EBAG9: variants seen among roughly 807,000 people sequenced by gnomAD.
EBAG9 encodes the protein receptor-binding cancer antigen expressed on SiSo cells.
EBAG9 carries 16 observed loss-of-function variants against 30.9 expected under a neutral mutation model. The observed-to-expected ratio is 0.52, with a 90% CI of 0.35 to 0.79. The LOEUF (loss-of-function observed/expected upper bound fraction) is 0.79. Among genes scored for constraint, EBAG9 ranks in the 30% least tolerant of loss-of-function variants. EBAG9 has a pLI of 0.01. For missense variants in EBAG9, 197 were observed against 242.1 expected (o/e 0.81, Z 1.24); for synonymous variants, 93 against 82.8 (o/e 1.12, Z -0.67).
intron 1 of EBAG9, among the ~76,000 whole-genome samples, chr8:109,545,109 G>A (rs934478907): frequency 1.3e-5 from 2 of 151,894 alleles, no homozygotes; most frequent in African/African-American, 2.4e-5. Context: ...ATCACTTGAG[G>A]TCAAGAGCTC....
Position 109,556,935 on chromosome 8 carries a change from A to T in EBAG9, c.322A>T (p.Ile108Phe), listed in dbSNP as rs1821609152. Residue 108 changes from isoleucine to phenylalanine, a missense_variant and splice_region_variant, in exon 5 of 7, where the codon ATT (isoleucine) becomes TTT (phenylalanine). Transcript: ENST00000337573. ...AATTCTTTTTCAATTAATCTTTCAG[A>T]TTGTTATTAAGAAGAGAGAACCATT... The part of the protein sequence containing the change: ...MTPTIRKTQK[I>F]VIKKREPLNF... The T allele has an allele frequency of 1.9e-6, 3 of 1,561,028 alleles. No homozygotes were observed. The highest frequency in any genetic ancestry group is 1.4e-5 in the African/African-American group (1 of 73,312).
At chr8:109,544,499 G>T (rs1262058373) in intron 1 of EBAG9, among the ~76,000 whole-genome samples, 1 of 152,184 alleles carries the variant, frequency 6.6e-6, no homozygotes, top group Non-Finnish European at 1.5e-5. Flanking sequence ...TAACTTCAGT[G>T]TATCTTAGTT....
At chr8:109,550,937 G>A in intron 2 of EBAG9, 30 bp downstream of exon 2, 1 of 1,433,224 alleles carries the variant, frequency 7.0e-7, no homozygotes, top group Non-Finnish European at 9.6e-7. Flanking sequence ...AAACTAACCT[G>A]TTTATCTCCT....
chr8:109,547,576 G>A (rs1238329802), intron 1 of EBAG9, among the ~76,000 whole-genome samples: 1 of 151,340 alleles, frequency 6.6e-6, no homozygotes, highest in African/African-American at 2.4e-5. Flanking sequence ...TGCCTTTCAG[G>A]TTCACGCCAT....
intron 5 of EBAG9, 101 bp from the exon 6 acceptor site, chr8:109,560,737 T>C (rs1586695083): frequency 1.2e-5 from 9 of 773,760 alleles, no homozygotes; most frequent in Admixed American, 4.7e-5. Flanking sequence ...CATAGGAGAA[T>C]GACAGGTTCT....
At chr8:109,556,904 C>T in intron 4 of EBAG9, 31 bp from the exon 5 acceptor site, 2 of 1,205,944 alleles carry the variant, frequency 1.7e-6, no homozygotes, top group Non-Finnish European at 2.3e-6. Flanking sequence ...TGTAAAAGAT[C>T]CCTATAATTC....
chr8:109,543,720 C>G (rs989750975), intron 1 of EBAG9, among the ~76,000 whole-genome samples: 2 of 151,946 alleles, frequency 1.3e-5, no homozygotes, highest in African/African-American at 4.8e-5. Context: ...AGTCTTGAAT[C>G]CCCATGAAAT....
intron 5 of EBAG9, among the ~76,000 whole-genome samples, chr8:109,559,437 GACAGA>G (rs1821668222): frequency 6.6e-6 from 1 of 152,108 alleles, no homozygotes; most frequent in Non-Finnish European, 1.5e-5. Flanking sequence ...CAGCCTAGGT[GACAGA>G]GTGAGACCTT....
chr8:109,564,365 T>C (rs1821773274), intron 6 of EBAG9, 74 bp from the exon 7 acceptor site: 4 of 1,559,290 alleles, frequency 2.6e-6, no homozygotes, highest in Non-Finnish European at 3.5e-6. Context: ...AAGGCACTGC[T>C]ATTTCTTTCT....
intron 5 of EBAG9, chr8:109,558,048 G>T (rs1455006526): frequency 1.3e-5 from 2 of 158,858 alleles, no homozygotes; most frequent in African/African-American, 4.8e-5. Flanking sequence ...ACTAAATCCA[G>T]CCCACATGCA....
intron 6 of EBAG9, among the ~76,000 whole-genome samples, chr8:109,562,172 T>C (rs1049709195): frequency 1.3e-5 from 2 of 152,116 alleles, no homozygotes; most frequent in African/African-American, 4.8e-5. Flanking sequence ...TAATTATTAG[T>C]GCCATTAACC....
chr8:109,557,211 T>G (rs1821617906), intron 5 of EBAG9, among the ~76,000 whole-genome samples, 169 bp downstream of exon 5: 1 of 152,182 alleles, frequency 6.6e-6, no homozygotes, highest in South Asian at 2.1e-4. Flanking sequence ...TCCTAACCTT[T>G]TATGAGATTG....
At chr8:109,551,522 G>A (rs1821494344) in intron 2 of EBAG9, among the ~76,000 whole-genome samples, 1 of 152,064 alleles carries the variant, frequency 6.6e-6, no homozygotes, top group Non-Finnish European at 1.5e-5. Context: ...AATTCACAGG[G>A]ATGCCATAGA....
chr8:109,543,167 A>C (rs1427709986), intron 1 of EBAG9, among the ~76,000 whole-genome samples: 1 of 27,278 alleles, frequency 3.7e-5, no homozygotes, highest in Non-Finnish European at 9.2e-5. Flanking sequence ...TTTTTTTTTT[A>C]ACAGTCACTG....
intron 1 of EBAG9, among the ~76,000 whole-genome samples, chr8:109,544,901 T>C (rs1821351983): frequency 6.6e-6 from 1 of 152,142 alleles, no homozygotes; most frequent in African/African-American, 2.4e-5. Context: ...TAAGAAATTT[T>C]TAAAATTAAA....
rs1312285780 is a variant in EBAG9 at position 109,553,913 on chromosome 8, T to C, written c.132T>C (p.Thr44=). Residue 44 remains threonine (T), a synonymous_variant, in exon 3 of 7, where the codon ACT becomes ACC. Transcript: ENST00000337573. ...GTGGAGACCAAATAACTTTGCCAAC[T>C]ACAGTTGATTATTCATCAGTTCCTA... ...KLSGDQITLP[T]TVDYSSVPKQ... 1.2e-6 allele frequency: 2 copies of C among 1,609,556 alleles called. No homozygotes were observed. The highest frequency in any genetic ancestry group is 2.2e-5 in the South Asian group (2 of 89,426).
In EBAG9 at chr8:109,553,798, C is replaced by T. The variant is rs191916990; in HGVS notation, c.84-67C>T. ...GTTTTATAAGCCTTCAATTACCATA[C>T]ATAATAGTGCTTTTACTTTGCTTGT... On this transcript the variant is annotated intron_variant, in intron 2 of 6. Transcript: ENST00000337573. 1.7e-3 allele frequency: 2,141 copies of T among 1,250,372 alleles called. 17 individuals carry two copies. The highest frequency in any genetic ancestry group is 6.9e-3 in the South Asian group (514 of 74,330). The allele number at this position is 1,250,372 out of a possible 1,614,324, so 77.5% of individuals were successfully genotyped here.
intron 1 of EBAG9, among the ~76,000 whole-genome samples, chr8:109,543,090 C>T (rs1266995844): frequency 7.2e-6 from 1 of 138,404 alleles, no homozygotes; most frequent in Non-Finnish European, 1.5e-5. Flanking sequence ...ATGTTTTTGA[C>T]AGAAGTATTT....
intron 6 of EBAG9, chr8:109,563,548 C>A: frequency 2.5e-6 from 4 of 1,573,774 alleles, no homozygotes; most frequent in Admixed American, 1.8e-5. Context: ...ATGTATTTCA[C>A]AAAGTATGAT....
Sources: gnomAD v4.1 joint callset for allele counts (sites outside exome capture counted in the v4.1 genomes callset) on GRCh38, gnomAD v4.1.1 for gene constraint, MANE v1.5 for transcripts, NCBI Gene and HGNC (gene_info 2026-07-23, HGNC 2026-07-21) for gene names.